Variants in THADA observed in about 807,000 individuals in gnomAD.
The protein encoded by THADA is tRNA (32-2'-O)-methyltransferase regulator THADA.
A neutral mutation model predicts 219.8 loss-of-function variants in THADA; 213 were observed. The ratio of observed to expected loss-of-function variants is 0.97; its 90% CI spans 0.87 to 1.09. The LOEUF (loss-of-function observed/expected upper bound fraction) is 1.09. THADA is among the 50% of genes least tolerant of loss of function. The pLI is 0.00. For missense variants in THADA, 2,956 were observed against 2,311.3 expected, an observed-to-expected ratio of 1.28 and a Z score of -5.72; for synonymous variants, 1,018 against 828.9, an observed-to-expected ratio of 1.23 and a Z score of -3.92.
chr2:43,590,752 G>A, intron 4 of THADA, 72 bp downstream of exon 4: 1 of 1,524,254 alleles, frequency 6.6e-7, no homozygotes, highest in South Asian at 1.2e-5. Flanking sequence ...ATCAAACCAA[G>A]GAAGGAACTT....
At chr2:43,511,776 C>T (rs1485682967) in intron 22 of THADA, among the ~76,000 whole-genome samples, 1 of 152,192 alleles carries the variant, frequency 6.6e-6, no homozygotes, top group Non-Finnish European at 1.5e-5. Flanking sequence ...TTTCTCTAAA[C>T]TTCCAATTAA....
chr2:43,516,145 T>C (rs1398835001), intron 22 of THADA, among the ~76,000 whole-genome samples: 1 of 152,152 alleles, frequency 6.6e-6, no homozygotes, highest in African/African-American at 2.4e-5. Context: ...GTCATCACTA[T>C]CTCTTTTCTG....
chr2:43,284,352 C>T (rs184994466), intron 35 of THADA, among the ~76,000 whole-genome samples: 11 of 152,176 alleles, frequency 7.2e-5, no homozygotes, highest in Middle Eastern at 3.4e-3. Context: ...CCTCAGGACA[C>T]AGCACGCTGT....
At chr2:43,297,468 C>CCCGGCCAGCCGCCCCAT (rs1675604364) in intron 31 of THADA, among the ~76,000 whole-genome samples, 2 of 110,738 alleles carry the variant, frequency 1.8e-5, no homozygotes, top group Non-Finnish European at 3.6e-5. Context: ...CAGCCCCCCG[C>CCCGGCCAGCCGCCCCAT]CCGGCCAGCC....
intron 36 of THADA, among the ~76,000 whole-genome samples, chr2:43,249,694 C>T (rs1325071019): frequency 6.6e-6 from 1 of 152,192 alleles, no homozygotes; most frequent in Non-Finnish European, 1.5e-5. Context: ...CAATTTCCTT[C>T]ATTCTGGGTG....
At chr2:43,354,865 T>A (rs1374936131) in intron 29 of THADA, among the ~76,000 whole-genome samples, 1 of 152,158 alleles carries the variant, frequency 6.6e-6, no homozygotes, top group Non-Finnish European at 1.5e-5. Flanking sequence ...GTTATCCTCA[T>A]GCTGTTCTCA....
intron 4 of THADA, among the ~76,000 whole-genome samples, 185 bp downstream of exon 4, chr2:43,590,639 C>G (rs184399076): frequency 7.4e-6 from 1 of 135,050 alleles, no homozygotes; most frequent in East Asian, 2.1e-4. Context: ...AGCTAGACTC[C>G]GTCTCAAAAA....
At chr2:43,381,583 CTTT>C (rs758714440) in intron 29 of THADA, among the ~76,000 whole-genome samples, 142 of 141,368 alleles carry the variant, frequency 1.0e-3, no homozygotes, top group African/African-American at 3.6e-3. Flanking sequence ...AGTGATAAGT[CTTT>C]TTTTTTTTTT....
At chr2:43,544,153 T>A (rs931713967) in intron 20 of THADA, among the ~76,000 whole-genome samples, 4 of 152,230 alleles carry the variant, frequency 2.6e-5, no homozygotes, top group African/African-American at 4.8e-5. Context: ...TGCTTGTTTT[T>A]CTCAGGTTTG....
chr2:43,248,513 T>C (rs1421956644), intron 36 of THADA, among the ~76,000 whole-genome samples: 1 of 152,164 alleles, frequency 6.6e-6, no homozygotes, highest in African/African-American at 2.4e-5. Context: ...ATTATAGGCA[T>C]GAGCCACCAC....
chr2:43,557,495 T>A (rs1697517208), intron 16 of THADA, among the ~76,000 whole-genome samples: 1 of 152,184 alleles, frequency 6.6e-6, no homozygotes, highest in Non-Finnish European at 1.5e-5. Flanking sequence ...TGAAACTTTG[T>A]GTGTGTGGAA....
intron 36 of THADA, among the ~76,000 whole-genome samples, chr2:43,256,116 G>A (rs1670282118): frequency 6.6e-6 from 1 of 152,218 alleles, no homozygotes; most frequent in Non-Finnish European, 1.5e-5. Context: ...ACACCTGGAT[G>A]TTCATGAATC....
intron 19 of THADA, among the ~76,000 whole-genome samples, chr2:43,550,880 C>T (rs1696666898): frequency 6.6e-6 from 1 of 152,124 alleles, no homozygotes; most frequent in Admixed American, 6.5e-5. Context: ...AATCCCAATG[C>T]TTTAAGAGGC....
At chr2:43,284,798 G>T (rs1673792155) in intron 35 of THADA, among the ~76,000 whole-genome samples, 1 of 152,192 alleles carries the variant, frequency 6.6e-6, no homozygotes, top group Admixed American at 6.5e-5. Flanking sequence ...CAGCTGCAAG[G>T]GCTGTACCCT....
chr2:43,362,581 T>C (rs1669657592), intron 29 of THADA, among the ~76,000 whole-genome samples: 1 of 152,230 alleles, frequency 6.6e-6, no homozygotes, highest in South Asian at 2.1e-4. Context: ...GAAGTTGCTC[T>C]GGGTGAGTCA....
At chr2:43,516,991 T>C (rs1691808632) in intron 22 of THADA, among the ~76,000 whole-genome samples, 1 of 152,184 alleles carries the variant, frequency 6.6e-6, no homozygotes, top group Admixed American at 6.5e-5. Context: ...TTCCTGATCA[T>C]GTTTTATTCA....
At chr2:43,292,809 C>A in intron 32 of THADA, 25 bp downstream of exon 32, 1 of 1,597,820 alleles carries the variant, frequency 6.3e-7, no homozygotes, top group Non-Finnish European at 8.5e-7. Context: ...GTGTAAAGGG[C>A]CAGTCAGTAC....
At chr2:43,418,046 T>A (rs1032401216) in intron 28 of THADA, among the ~76,000 whole-genome samples, 1 of 152,138 alleles carries the variant, frequency 6.6e-6, no homozygotes, top group Admixed American at 6.6e-5. Context: ...AGAAGCATCG[T>A]CAAAAAGGAT....
chr2:43,555,555 T>C (rs947255533), intron 17 of THADA, among the ~76,000 whole-genome samples: 1 of 152,118 alleles, frequency 6.6e-6, no homozygotes, highest in African/African-American at 2.4e-5. Context: ...ACTGTCTCAA[T>C]AGGGTCTCCT....
Sources: gnomAD v4.1 joint callset for allele counts (sites outside exome capture counted in the v4.1 genomes callset) on GRCh38, gnomAD v4.1.1 for gene constraint, MANE v1.5 for transcripts, NCBI Gene and HGNC (gene_info 2026-07-23, HGNC 2026-07-21) for gene names.